Variants in CHST11 observed in about 807,000 individuals in gnomAD.
CHST11 encodes C4S-1.
A neutral mutation model predicts 30.4 loss-of-function variants in CHST11; 9 were observed. The ratio of observed to expected loss-of-function variants is 0.30; its 90% CI spans 0.18 to 0.52. CHST11 has a LOEUF of 0.52. Ranked by LOEUF, CHST11 falls within the 20% of genes least tolerant of loss-of-function variation. CHST11 has a pLI of 0.97. For synonymous variants in CHST11, 152 were observed against 187.8 expected (o/e 0.81, Z 1.56); for missense variants, 348 against 460.6 (o/e 0.76, Z 2.24).
intron 1 of CHST11, 87 bp downstream of exon 1, chr12:104,457,616 C>A (rs1380968821): frequency 1.0e-5 from 10 of 961,470 alleles, no homozygotes; most frequent in Admixed American, 1.7e-5. Flanking sequence ...CCTCTTCCAA[C>A]CCTACCTCTC....
chr12:104,609,569 G>A lies in CHST11; in HGVS notation c.204+7578G>A, dbSNP rs187432452. 1.9e-3 allele frequency among the ~76,000 whole-genome samples: 297 copies of A among 152,328 alleles called. 2 individuals carry two copies. Among genetic ancestry groups the A allele is most frequent in the Admixed American group, 3.5e-3 (54 of 15,304 alleles). On this transcript the variant is annotated intron_variant, in intron 2 of 2. Transcript: ENST00000303694. ...GACATGACAGTCAAACACAATTTGG[G>A]TTTAGAGGAAAGGATTGGATGCCTG...
intron 2 of CHST11, among the ~76,000 whole-genome samples, chr12:104,674,301 T>A (rs1187567342): frequency 6.6e-6 from 1 of 152,224 alleles, no homozygotes; most frequent in Non-Finnish European, 1.5e-5. Flanking sequence ...AGATCACTAA[T>A]TCTACGACAA....
At chr12:104,728,098 A>G (rs1257794962) in intron 2 of CHST11, among the ~76,000 whole-genome samples, 2 of 152,186 alleles carry the variant, frequency 1.3e-5, no homozygotes, top group East Asian at 3.8e-4. Flanking sequence ...TAATAGCTGC[A>G]ATTTCTCATT....
intron 2 of CHST11, among the ~76,000 whole-genome samples, chr12:104,643,576 C>G (rs1566020198): frequency 6.6e-6 from 1 of 152,108 alleles, no homozygotes; most frequent in Non-Finnish European, 1.5e-5. Context: ...TTCAAGAACT[C>G]CAGCACATTT....
At chr12:104,740,945 C>A (rs963201613) in intron 2 of CHST11, among the ~76,000 whole-genome samples, 1 of 152,320 alleles carries the variant, frequency 6.6e-6, no homozygotes, top group Non-Finnish European at 1.5e-5. Flanking sequence ...GAGAATGGGC[C>A]GTCCTTCTTG....
chr12:104,503,183 C>G (rs181687124), intron 1 of CHST11, among the ~76,000 whole-genome samples: 1 of 152,340 alleles, frequency 6.6e-6, no homozygotes, highest in Admixed American at 6.5e-5. Flanking sequence ...CATTGCCTGT[C>G]TCTATCCTAA....
At chr12:104,584,010 G>A (rs377064197) in intron 1 of CHST11, among the ~76,000 whole-genome samples, 2 of 152,164 alleles carry the variant, frequency 1.3e-5, no homozygotes, top group South Asian at 4.1e-4. Context: ...ACCGCACCCC[G>A]TCCAAAGATC....
At chr12:104,486,862 G>A (rs2037684120) in intron 1 of CHST11, among the ~76,000 whole-genome samples, 1 of 152,162 alleles carries the variant, frequency 6.6e-6, no homozygotes, top group African/African-American at 2.4e-5. Flanking sequence ...AAAACGAAGG[G>A]GGGCATACTA....
At chr12:104,505,501 GT>G (rs879926133) in intron 1 of CHST11, among the ~76,000 whole-genome samples, 4 of 152,208 alleles carry the variant, frequency 2.6e-5, no homozygotes, top group Non-Finnish European at 4.4e-5. Context: ...CCTGGGTTAT[GT>G]TGACGCTGCC....
rs543950515 is a variant in CHST11 at position 104,462,987 on chromosome 12, G to T, written c.118+5458G>T. On this transcript the variant is annotated intron_variant, in intron 1 of 2. Coordinates refer to ENST00000303694, the MANE Select transcript of CHST11 (RefSeq NM_018413.6). ...AGGCACCACAGAAAGGGTGGTTTGG[G>T]GGTTTCCGTGGGGTGAGGGGTGAGG... is the stretch of plus-strand genomic sequence containing the variant. Among the ~76,000 whole-genome samples, 3 of 152,294 alleles carry T rather than the reference G, an allele frequency of 2.0e-5. No individual in the cohort carries two copies. In the East Asian group the frequency reaches 5.8e-4, roughly 29 times the overall value.
chr12:104,527,680 C>A (rs539521576), intron 1 of CHST11, among the ~76,000 whole-genome samples: 2 of 152,346 alleles, frequency 1.3e-5, no homozygotes, highest in Non-Finnish European at 2.9e-5. Context: ...TAGGAAGCTA[C>A]CCGCTATGCC....
intron 1 of CHST11, among the ~76,000 whole-genome samples, chr12:104,488,278 A>G (rs948223870): frequency 6.6e-6 from 1 of 152,054 alleles, no homozygotes; most frequent in African/African-American, 2.4e-5. Context: ...GGTGCTGTGG[A>G]GGGTGAGGAG....
At chr12:104,545,456 T>C in intron 1 of CHST11, among the ~76,000 whole-genome samples, 1 of 152,188 alleles carries the variant, frequency 6.6e-6, no homozygotes, top group East Asian at 1.9e-4. Context: ...CTTGGTCAGG[T>C]TTTTGAAAAT....
intron 1 of CHST11, among the ~76,000 whole-genome samples, chr12:104,472,450 G>C (rs1377313469): frequency 6.6e-6 from 1 of 152,050 alleles, no homozygotes; most frequent in African/African-American, 2.4e-5. Context: ...GGTATCTTCA[G>C]AGTCTTCTAG....
intron 1 of CHST11, among the ~76,000 whole-genome samples, chr12:104,470,528 A>G (rs2037498746): frequency 2.6e-5 from 4 of 152,200 alleles, no homozygotes; most frequent in Non-Finnish European, 2.9e-5. Flanking sequence ...TGAGATTTGG[A>G]TGGGGACACA....
chr12:104,607,095 T>A (rs114607668), intron 2 of CHST11, among the ~76,000 whole-genome samples: 3,198 of 151,988 alleles, frequency 0.021, 113 homozygotes, highest in African/African-American at 0.073. Flanking sequence ...AATATATAAA[T>A]AAAAATTGCA....
intron 1 of CHST11, 95 bp downstream of exon 1, chr12:104,457,624 C>T: frequency 1.1e-6 from 1 of 930,034 alleles, no homozygotes; most frequent in Non-Finnish European, 1.7e-6. Context: ...AACCCTACCT[C>T]TCCGCCTTCG....
intron 1 of CHST11, chr12:104,588,776 G>A (rs1829983122): frequency 6.6e-6 from 1 of 152,418 alleles, no homozygotes; most frequent in South Asian, 2.1e-4. Context: ...GCAGCCTCTG[G>A]GCTCCGCCTC....
intron 2 of CHST11, among the ~76,000 whole-genome samples, chr12:104,616,522 G>C (rs1451171451): frequency 6.6e-6 from 1 of 151,054 alleles, no homozygotes; most frequent in African/African-American, 2.4e-5. Flanking sequence ...CTGGAGTGCA[G>C]TGGCGCAATC....
Sources: gnomAD v4.1 joint callset for allele counts (sites outside exome capture counted in the v4.1 genomes callset) on GRCh38, gnomAD v4.1.1 for gene constraint, MANE v1.5 for transcripts, NCBI Gene and HGNC (gene_info 2026-07-23, HGNC 2026-07-21) for gene names.